The following PKHD1 variants were observed in gnomAD, a reference collection of about 807,000 sequenced individuals.
The protein encoded by PKHD1 is PKHD1 ciliary IPT domain containing fibrocystin/polyductin.
Under a neutral mutation model 412.0 loss-of-function variants are expected in PKHD1, and 291 were observed. The ratio of observed to expected loss-of-function variants is 0.71; its 90% CI spans 0.64 to 0.78. The LOEUF is 0.78. PKHD1 is among the 30% of genes least tolerant of loss of function. PKHD1 has a pLI of 0.00. For synonymous variants in PKHD1, 1,777 were observed against 1,821.5 expected (o/e 0.98, Z 0.62); for missense variants, 4,825 against 4,950.7 (o/e 0.97, Z 0.76).
rs188183863 is a variant in PKHD1, at chr6:51,660,001, T to C, written c.10157-32A>G. 4,052 of 1,281,058 alleles carry C rather than the reference T, an allele frequency of 3.2e-3. 123 individuals are homozygous for C. The highest frequency in any genetic ancestry group is 1.3e-3 in the South Asian group (106 of 82,924). 79.4% of individuals were successfully genotyped at this position (1,281,058 alleles called of 1,614,324 possible). A position where few individuals can be genotyped will look rare whatever the true frequency, so the allele number is the denominator to read the frequency against. ...AAGAAAAGAAGCAAAACAAGTGATATATGAATTATAATCTGTCAATGATTA... is the reference window on the plus strand; with the variant it reads ...AAGAAAAGAAGCAAAACAAGTGATACATGAATTATAATCTGTCAATGATTA... On this transcript the variant is annotated intron_variant, in intron 60 of 66. Coordinates refer to ENST00000371117, the MANE Select transcript of PKHD1 (RefSeq NM_138694.4).
Position 51,754,850 on chromosome 6 carries a change from G to A in PKHD1, c.8731C>T (p.Leu2911Phe), listed in dbSNP as rs780515529. ...TGGCCCTTGACTTCTTTCACAGTGAGGACCTCTGCTTCATGAGGCTCATAA... is the reference window on the plus strand; with the variant it reads ...TGGCCCTTGACTTCTTTCACAGTGAAGACCTCTGCTTCATGAGGCTCATAA... ...SSYEPHEAEV[L>F]TVKEVKGHHV... The change falls in exon 56 of 67, where the codon CTC becomes TTC. Residue 2911 changes from leucine to phenylalanine, a missense_variant. Leu to Phe is a conservative substitution (Grantham distance 22). Transcript: ENST00000371117. 2.5e-6 allele frequency: 4 copies of A among 1,613,284 alleles called. No homozygotes were observed. In the African/African-American group the frequency reaches 5.3e-5, roughly 22 times the overall value.
intron 32 of PKHD1, among the ~76,000 whole-genome samples, chr6:52,023,941 A>C (rs527364977): frequency 4.6e-5 from 7 of 152,334 alleles, no homozygotes; most frequent in Non-Finnish European, 1.0e-4. Flanking sequence ...ACAGTCTAAG[A>C]TTCTGTTTCT....
At chr6:52,056,651 G>A in intron 18 of PKHD1, 47 bp downstream of exon 18, 1 of 1,291,460 alleles carries the variant, frequency 7.7e-7, no homozygotes, top group South Asian at 1.2e-5. Flanking sequence ...TAGAAAGAAA[G>A]AAGACCATGA....
rs1036199435 is a variant in PKHD1, at chr6:51,869,069, T to G, written c.7487-960A>C. On this transcript the variant is annotated intron_variant, in intron 47 of 66. Transcript: ENST00000371117. ...AATAGAGGCTCTAATGTTTTCATTC[T>G]GCAGCCCAATAGAGTACATGCAGTG... 2.0e-5 allele frequency among the ~76,000 whole-genome samples: 3 copies of G among 152,160 alleles called. No individual in the cohort carries two copies. The South Asian group carries it at 6.2e-4, about 31-fold the overall frequency.
intron 64 of PKHD1, 30 bp from the exon 65 acceptor site, chr6:51,632,753 G>A (rs772323269): frequency 6.3e-7 from 1 of 1,578,464 alleles, no homozygotes; most frequent in Non-Finnish European, 8.7e-7. Flanking sequence ...ATGTTTCAAT[G>A]ATATGTTAAT....
At chr6:51,671,893 T>C (rs561168609) in intron 60 of PKHD1, among the ~76,000 whole-genome samples, 33 of 151,878 alleles carry the variant, frequency 2.2e-4, no homozygotes, top group Non-Finnish European at 4.0e-4. Context: ...CTTGAGGAGG[T>C]AGTCTGCCCG....
At chr6:51,998,659 TTTTA>T (rs1399096564) in intron 35 of PKHD1, among the ~76,000 whole-genome samples, 2 of 152,170 alleles carry the variant, frequency 1.3e-5, no homozygotes, top group African/African-American at 4.8e-5. Flanking sequence ...TATTTGTTTG[TTTTA>T]TTGTTTATTT....
chr6:51,823,748 G>C, intron 52 of PKHD1, among the ~76,000 whole-genome samples: 1 of 152,132 alleles, frequency 6.6e-6, no homozygotes, highest in South Asian at 2.1e-4. Flanking sequence ...ATATAGTTGA[G>C]GGAAAAATTC....
At chr6:51,625,082 A>G (rs1767069838) in intron 66 of PKHD1, among the ~76,000 whole-genome samples, 1 of 152,160 alleles carries the variant, frequency 6.6e-6, no homozygotes, top group African/African-American at 2.4e-5. Flanking sequence ...ACAACTTTCT[A>G]GCACCCTGAC....
At chr6:51,850,830 T>C (rs1209585980) in intron 49 of PKHD1, among the ~76,000 whole-genome samples, 1 of 152,210 alleles carries the variant, frequency 6.6e-6, no homozygotes, top group Admixed American at 6.5e-5. Context: ...TATAAAATCA[T>C]GTCATCTGCA....
chr6:51,785,350 C>A (rs1016215462), intron 53 of PKHD1, among the ~76,000 whole-genome samples: 1 of 152,114 alleles, frequency 6.6e-6, no homozygotes, highest in Non-Finnish European at 1.5e-5. Flanking sequence ...TCATTTTCAA[C>A]CATGAAATTC....
At position 51,619,093 on chromosome 6, in the gene PKHD1, C is replaced by T. The variant is rs1406924877; in HGVS notation, c.12213G>A (p.Gln4071=). 16 of 1,614,164 alleles carry T rather than the reference C, an allele frequency of 9.9e-6. No individual in the cohort carries two copies. Among genetic ancestry groups the T allele is most frequent in the Non-Finnish European group, 1.4e-5 (16 of 1,179,976 alleles). Residue 4071 remains glutamine (Q), a synonymous_variant, in exon 67 of 67, where the codon CAG becomes CAA. Transcript: ENST00000371117. ...CLHSVHPETI[Q]EQL ...CCAACTTCCCTGATCACAGTTGCTC[C>T]TGAATAGTTTCCGGGTGTACTGAAT...
intron 51 of PKHD1, among the ~76,000 whole-genome samples, chr6:51,834,383 G>A (rs1410549139): frequency 1.3e-5 from 2 of 152,084 alleles, no homozygotes; most frequent in East Asian, 1.9e-4. Context: ...CCGATGATCT[G>A]GATGTTCTTA....
chr6:52,038,573 G>A (rs1450468812), intron 27 of PKHD1, among the ~76,000 whole-genome samples: 3 of 152,048 alleles, frequency 2.0e-5, no homozygotes, highest in Non-Finnish European at 2.9e-5. Flanking sequence ...GTTTGGTTCA[G>A]AAGGAACCAA....
intron 63 of PKHD1, among the ~76,000 whole-genome samples, chr6:51,647,729 T>C (rs55748094): frequency 0.02 from 3,098 of 152,240 alleles, 52 homozygotes; most frequent in Non-Finnish European, 0.033. Context: ...TAGGATTTGA[T>C]GCTCACCCAA....
chr6:51,946,399 G>A (rs1789457478), intron 36 of PKHD1, among the ~76,000 whole-genome samples: 1 of 152,150 alleles, frequency 6.6e-6, no homozygotes, highest in Non-Finnish European at 1.5e-5. Flanking sequence ...ATAAACAAAT[G>A]AAACCTTCTT....
chr6:52,048,425 T>C, intron 23 of PKHD1, 67 bp downstream of exon 23: 1 of 1,471,282 alleles, frequency 6.8e-7, no homozygotes, highest in Non-Finnish European at 9.5e-7. Context: ...CCCAGGATGT[T>C]GTTCCCTTGG....
intron 52 of PKHD1, among the ~76,000 whole-genome samples, chr6:51,821,220 T>C (rs1307185308): frequency 1.3e-5 from 2 of 152,204 alleles, no homozygotes; most frequent in African/African-American, 4.8e-5. Flanking sequence ...GAAATTTTTA[T>C]TAACCCTCAG....
intron 36 of PKHD1, among the ~76,000 whole-genome samples, chr6:51,941,701 A>T (rs1484051091): frequency 3.1e-4 from 46 of 147,554 alleles, no homozygotes; most frequent in African/African-American, 7.2e-4. Flanking sequence ...TGCCAAACCC[A>T]TATACTCTCC....
Sources: gnomAD v4.1 joint callset for allele counts (sites outside exome capture counted in the v4.1 genomes callset) on GRCh38, gnomAD v4.1.1 for gene constraint, MANE v1.5 for transcripts, NCBI Gene and HGNC (gene_info 2026-07-23, HGNC 2026-07-21) for gene names.